The following TSNARE1 variants were observed in gnomAD, a reference collection of about 807,000 sequenced individuals.
The protein encoded by TSNARE1 is t-SNARE domain containing 1.
Under a neutral mutation model 62.0 loss-of-function variants are expected in TSNARE1, and 49 were observed. The observed-to-expected ratio is 0.79, with a 90% CI of 0.63 to 1.00. The LOEUF is 1.00. Ranked by LOEUF, TSNARE1 falls within the 50% of genes least tolerant of loss-of-function variation. TSNARE1 has a pLI of 0.00. For missense variants in TSNARE1, 755 were observed against 700.1 expected (o/e 1.08, Z -0.88); for synonymous variants, 328 against 294.4 (o/e 1.11, Z -1.17).
intron 3 of TSNARE1, 125 bp downstream of exon 3, chr8:142,345,618 G>T: frequency 8.5e-7 from 1 of 1,180,540 alleles, no homozygotes; most frequent in South Asian, 1.6e-5. Context: ...GGGGATGCAG[G>T]TCCCTTGCCT....
At chr8:142,332,295 C>G (rs750584126) in intron 4 of TSNARE1, among the ~76,000 whole-genome samples, 1 of 152,190 alleles carries the variant, frequency 6.6e-6, no homozygotes, top group South Asian at 2.1e-4. Context: ...GAGCACAGCA[C>G]GCACAGAGAT....
At chr8:142,350,847 G>A (rs553230376) in intron 2 of TSNARE1, among the ~76,000 whole-genome samples, 1 of 152,366 alleles carries the variant, frequency 6.6e-6, no homozygotes, top group Non-Finnish European at 1.5e-5. Context: ...AAGAGATGGA[G>A]GGAAGCCAGA....
intron 4 of TSNARE1, among the ~76,000 whole-genome samples, chr8:142,337,537 G>A (rs1018580340): frequency 2.0e-5 from 3 of 152,226 alleles, no homozygotes; most frequent in Admixed American, 6.5e-5. Context: ...TTCTAGAAAC[G>A]GCTGTTGAGT....
intron 13 of TSNARE1, among the ~76,000 whole-genome samples, chr8:142,220,056 G>A (rs553928249): frequency 7.9e-5 from 12 of 152,344 alleles, no homozygotes; most frequent in African/African-American, 1.9e-4. Flanking sequence ...AGAAACCGCC[G>A]CTGTGTCCCG....
intron 13 of TSNARE1, among the ~76,000 whole-genome samples, chr8:142,225,971 C>A (rs925738274): frequency 2.0e-5 from 3 of 152,182 alleles, no homozygotes; most frequent in African/African-American, 7.2e-5. Context: ...TGCATCACCT[C>A]ATTCCTGCTC....
chr8:142,290,893 G>C (rs989934096), intron 10 of TSNARE1, among the ~76,000 whole-genome samples: 1 of 152,212 alleles, frequency 6.6e-6, no homozygotes, highest in East Asian at 1.9e-4. Flanking sequence ...GCCCACTCAG[G>C]AGCTCCAGCA....
At chr8:142,229,649 T>A in intron 12 of TSNARE1, 70 bp from the exon 13 acceptor site, 1 of 1,464,294 alleles carries the variant, frequency 6.8e-7, no homozygotes, top group Non-Finnish European at 9.5e-7. Context: ...GCATTTGGCT[T>A]GTGCATACTT....
intron 10 of TSNARE1, among the ~76,000 whole-genome samples, chr8:142,286,118 G>T (rs1822704354): frequency 6.6e-6 from 1 of 152,206 alleles, no homozygotes; most frequent in Non-Finnish European, 1.5e-5. Flanking sequence ...CCAGATGCAT[G>T]GCCCTGGGCA....
At chr8:142,392,635 T>C (rs546545940) in intron 1 of TSNARE1, among the ~76,000 whole-genome samples, 5 of 152,270 alleles carry the variant, frequency 3.3e-5, no homozygotes, top group Admixed American at 1.3e-4. Flanking sequence ...CACGTGACTG[T>C]GTGAGAAACT....
intron 12 of TSNARE1, among the ~76,000 whole-genome samples, chr8:142,258,555 C>G (rs1462310262): frequency 6.7e-6 from 1 of 149,320 alleles, no homozygotes; most frequent in Non-Finnish European, 1.5e-5. Context: ...GATCTAGGCT[C>G]ACTGCAACCT....
rs375671881 is a variant in TSNARE1, at chr8:142,343,992, T to C, written c.719A>G (p.Glu240Gly). 9 of 1,541,678 alleles carry C rather than the reference T, an allele frequency of 5.8e-6. No individual in the cohort carries two copies. The African/African-American group carries it at 1.2e-4, about 21-fold the overall frequency. Residue 240 changes from glutamate (E) to glycine (G), a missense_variant, in exon 4 of 14, where the codon GAG becomes GGG. Transcript: ENST00000524325. ...KTFSCQALPS[E>G]GFSLEPPRAT... The stretch of plus-strand genomic sequence containing the variant: ...TCTGGGCGGCTCCAGACTGAAGCCC[T>C]CGGAGGGCAGGGCCTGGCAAGAGAA...
intron 13 of TSNARE1, among the ~76,000 whole-genome samples, chr8:142,216,791 GC>G (rs1483637439): frequency 2.0e-5 from 3 of 152,214 alleles, no homozygotes; most frequent in African/African-American, 4.8e-5. Context: ...CACCGACCCT[GC>G]CTGGTTGTTT....
intron 12 of TSNARE1, chr8:142,274,140 A>ATCTCTGCCCGTCAGGGCCAG: frequency 5.1e-6 from 5 of 985,364 alleles, no homozygotes; most frequent in Non-Finnish European, 6.0e-6. Flanking sequence ...GGCTCTGGTC[A>ATCTCTGCCCGTCAGGGCCAG]TCTCTGCCCG....
intron 1 of TSNARE1, among the ~76,000 whole-genome samples, chr8:142,355,315 T>TG (rs749001225): frequency 3.9e-5 from 6 of 152,228 alleles, no homozygotes; most frequent in Admixed American, 6.5e-5. Flanking sequence ...GCAAGAGCCA[T>TG]GGGGCCTCTC....
At chr8:142,227,277 C>T (rs1463310915) in intron 13 of TSNARE1, among the ~76,000 whole-genome samples, 7 of 150,382 alleles carry the variant, frequency 4.7e-5, no homozygotes, top group Admixed American at 3.3e-4. Context: ...ACCTCCACTG[C>T]ACCCACACAA....
chr8:142,231,692 A>G (rs566057330), intron 12 of TSNARE1, among the ~76,000 whole-genome samples: 6 of 152,276 alleles, frequency 3.9e-5, no homozygotes, highest in African/African-American at 1.4e-4. Flanking sequence ...CCCAAGCATC[A>G]TCCCCCACCA....
intron 9 of TSNARE1, among the ~76,000 whole-genome samples, chr8:142,312,764 C>T (rs972990474): frequency 1.3e-5 from 2 of 152,120 alleles, no homozygotes; most frequent in African/African-American, 4.8e-5. Context: ...GGGTTTTATT[C>T]CTAAGGGTCC....
chr8:142,253,756 G>A (rs571973991), intron 12 of TSNARE1, among the ~76,000 whole-genome samples: 25 of 152,340 alleles, frequency 1.6e-4, no homozygotes, highest in Middle Eastern at 3.4e-3. Flanking sequence ...CCTCCCGCAG[G>A]ACCCTGCGGC....
At chr8:142,387,401 G>A (rs923734783) in intron 1 of TSNARE1, among the ~76,000 whole-genome samples, 1 of 152,010 alleles carries the variant, frequency 6.6e-6, no homozygotes, top group Admixed American at 6.6e-5. Context: ...AAAATCAGAA[G>A]GGATTATTAT....
Sources: gnomAD v4.1 joint callset for allele counts (sites outside exome capture counted in the v4.1 genomes callset) on GRCh38, gnomAD v4.1.1 for gene constraint, MANE v1.5 for transcripts, NCBI Gene and HGNC (gene_info 2026-07-23, HGNC 2026-07-21) for gene names.